The following KCNIP4 variants were observed in gnomAD, a reference collection of about 807,000 sequenced individuals.
KCNIP4 encodes the protein Kv channel-interacting protein 4.
KCNIP4 carries 12 observed loss-of-function variants against 34.0 expected under a neutral mutation model. That is an observed-to-expected ratio of 0.35 (90% confidence interval 0.23 to 0.57). The LOEUF (loss-of-function observed/expected upper bound fraction) is 0.57, where lower values mean the gene tolerates loss of function less well. Among genes scored for constraint, KCNIP4 ranks in the 20% least tolerant of loss-of-function variants. The pLI is 0.83. For synonymous variants in KCNIP4, 124 were observed against 102.2 expected (o/e 1.21, Z -1.29); for missense variants, 238 against 311.7 (o/e 0.76, Z 1.78).
At chr4:21,823,211 C>A (rs1480354575) in intron 1 of KCNIP4, among the ~76,000 whole-genome samples, 1 of 152,006 alleles carries the variant, frequency 6.6e-6, no homozygotes, top group Non-Finnish European at 1.5e-5. Context: ...CTAGACAAAT[C>A]TTTCATACAA....
intron 1 of KCNIP4, among the ~76,000 whole-genome samples, chr4:21,444,661 C>G (rs2109718601): frequency 1.3e-5 from 2 of 152,242 alleles, no homozygotes; most frequent in South Asian, 4.2e-4. Context: ...AACCCCATAG[C>G]CAATATCATA....
chr4:20,972,201 G>C (rs751098478), intron 1 of KCNIP4, among the ~76,000 whole-genome samples: 4 of 151,942 alleles, frequency 2.6e-5, no homozygotes, highest in Admixed American at 6.6e-5. Flanking sequence ...CCAAACTCCT[G>C]TTAGTGTTAT....
At chr4:21,397,366 A>G (rs1723095206) in intron 1 of KCNIP4, among the ~76,000 whole-genome samples, 1 of 152,168 alleles carries the variant, frequency 6.6e-6, no homozygotes, top group Admixed American at 6.5e-5. Flanking sequence ...ATTTTTTTCC[A>G]TGAATAATAT....
chr4:21,286,179 A>G (rs1763109354), intron 1 of KCNIP4, among the ~76,000 whole-genome samples: 1 of 152,162 alleles, frequency 6.6e-6, no homozygotes, highest in Admixed American at 6.5e-5. Flanking sequence ...ACAGCTATCA[A>G]CTTTCAAATA....
intron 1 of KCNIP4, chr4:20,983,782 C>T: frequency 6.6e-7 from 1 of 1,518,854 alleles, no homozygotes. Context: ...ACCAGACCTG[C>T]CCAACAGCAC....
intron 1 of KCNIP4, among the ~76,000 whole-genome samples, chr4:21,781,762 T>G (rs4362808): frequency 6.6e-6 from 1 of 151,860 alleles, no homozygotes; most frequent in Admixed American, 6.6e-5. Context: ...TTATTCTTAG[T>G]ATATATACAT....
At chr4:21,827,340 G>A (rs1722734796) in intron 1 of KCNIP4, among the ~76,000 whole-genome samples, 1 of 151,962 alleles carries the variant, frequency 6.6e-6, no homozygotes. Flanking sequence ...TGCAACCTAG[G>A]AGACTTAACA....
At chr4:20,819,111 C>T (rs887219746) in intron 3 of KCNIP4, among the ~76,000 whole-genome samples, 5 of 151,624 alleles carry the variant, frequency 3.3e-5, no homozygotes, top group African/African-American at 7.3e-5. Flanking sequence ...TTTGAACTCT[C>T]GACCTCCCAA....
intron 1 of KCNIP4, among the ~76,000 whole-genome samples, chr4:21,139,920 G>A (rs1375784158): frequency 6.6e-6 from 1 of 152,016 alleles, no homozygotes; most frequent in Non-Finnish European, 1.5e-5. Flanking sequence ...TTAATGATCA[G>A]TCTTTTTAAC....
intron 1 of KCNIP4, among the ~76,000 whole-genome samples, chr4:21,182,814 T>A (rs1265636516): frequency 6.6e-6 from 1 of 152,130 alleles, no homozygotes; most frequent in African/African-American, 2.4e-5. Context: ...GAAATACGTA[T>A]GCATCATGGA....
chr4:21,282,572 T>C (rs537182811), intron 1 of KCNIP4, among the ~76,000 whole-genome samples: 1 of 152,316 alleles, frequency 6.6e-6, no homozygotes, highest in Non-Finnish European at 1.5e-5. Context: ...ACTTGAAGTC[T>C]ATAAAATGCT....
chr4:21,726,117 G>A (rs1715173182), intron 1 of KCNIP4, among the ~76,000 whole-genome samples: 1 of 152,156 alleles, frequency 6.6e-6, no homozygotes, highest in African/African-American at 2.4e-5. Flanking sequence ...GCAATATTGT[G>A]TCTCATAACT....
intron 1 of KCNIP4, among the ~76,000 whole-genome samples, chr4:21,415,869 C>A (rs932888322): frequency 6.6e-6 from 1 of 152,086 alleles, no homozygotes; most frequent in Non-Finnish European, 1.5e-5. Context: ...GAGGCTGGAG[C>A]AGAGTGAATG....
At chr4:21,180,307 C>A (rs1754746679) in intron 1 of KCNIP4, among the ~76,000 whole-genome samples, 1 of 151,888 alleles carries the variant, frequency 6.6e-6, no homozygotes, top group Admixed American at 6.6e-5. Flanking sequence ...TGACTAGAAT[C>A]CTAATAATAG....
intron 1 of KCNIP4, among the ~76,000 whole-genome samples, chr4:21,275,303 G>A (rs1030899545): frequency 6.6e-6 from 1 of 152,138 alleles, no homozygotes; most frequent in Non-Finnish European, 1.5e-5. Flanking sequence ...AGACATCCTG[G>A]AAGGTCACAC....
At position 21,921,076 on chromosome 4, in the gene KCNIP4, TA is replaced by T. The variant is rs150381338; in HGVS notation, c.61+27494del. ...AGTTTTCCTTGTTTAGCTTCTCTGA[TA>T]TTTTTTTCAATTTTACTTCTTTTAC... On this transcript the variant is annotated intron_variant, in intron 1 of 8. Coordinates refer to ENST00000382152, the MANE Select transcript of KCNIP4 (RefSeq NM_025221.6). 7.8e-3 allele frequency among the ~76,000 whole-genome samples: 1,186 copies of T among 152,306 alleles called. 10 individuals carry two copies. The highest frequency in any genetic ancestry group is 0.014 in the South Asian group (67 of 4,820).
rs111857042 is a variant in KCNIP4 at position 21,684,010 on chromosome 4, A to C, written c.61+264561T>G. Among the ~76,000 whole-genome samples the C allele has an allele frequency of 7.0e-3, 1,060 of 152,068 alleles. 15 individuals carry two copies. Among genetic ancestry groups the C allele is most frequent in the African/African-American group, 0.024 (990 of 41,392 alleles). On this transcript the variant is annotated intron_variant, in intron 1 of 8. Transcript: ENST00000382152. ...GGTGGGAGGAGGGAGAGGAGCAGAA[A>C]AAATAACTATTGGGTACTAGGTTTA...
chr4:21,776,092 C>T lies in KCNIP4; in HGVS notation c.61+172479G>A, dbSNP rs945738530. ...GCATGAGTTTGCAAGTGGGATCTTCCAATCCATGGGTTGCACAGTTCCGTG... is the reference window on the plus strand; with the variant it reads ...GCATGAGTTTGCAAGTGGGATCTTCTAATCCATGGGTTGCACAGTTCCGTG... On this transcript the variant is annotated intron_variant, in intron 1 of 8. Transcript: ENST00000382152. Among the ~76,000 whole-genome samples the T allele has an allele frequency of 2.0e-5, 3 of 152,178 alleles. 1 individual carries two copies. Among genetic ancestry groups the T allele is most frequent in the African/African-American group, 7.2e-5 (3 of 41,452 alleles).
intron 1 of KCNIP4, among the ~76,000 whole-genome samples, chr4:21,769,679 A>T (rs1019630574): frequency 6.6e-6 from 1 of 152,078 alleles, no homozygotes; most frequent in Non-Finnish European, 1.5e-5. Flanking sequence ...ATCACATTAC[A>T]CCATTTGTTT....
Sources: allele counts gnomAD v4.1 joint callset (sites outside exome capture counted in the v4.1 genomes callset), GRCh38; gene constraint gnomAD v4.1.1; transcripts MANE v1.5; gene names NCBI Gene and HGNC (gene_info 2026-07-23, HGNC 2026-07-21).